Variants in LRP5 observed in about 807,000 individuals in gnomAD.
LRP5 encodes the protein low-density lipoprotein receptor-related protein 5.
A neutral mutation model predicts 154.1 loss-of-function variants in LRP5; 62 were observed. The ratio of observed to expected loss-of-function variants is 0.40; its 90% CI spans 0.33 to 0.50. LRP5 has a LOEUF of 0.50. Ranked by LOEUF, LRP5 falls within the 20% of genes least tolerant of loss-of-function variation. The pLI is 0.55. For synonymous variants in LRP5, 966 were observed against 1,011.5 expected, an observed-to-expected ratio of 0.96 and a Z score of 0.85; for missense variants, 1,915 against 2,336.7, an observed-to-expected ratio of 0.82 and a Z score of 3.72.
intron 15 of LRP5, 139 bp downstream of exon 15, chr11:68,425,431 A>G: frequency 1.1e-6 from 1 of 878,676 alleles, no homozygotes; most frequent in East Asian, 2.7e-5. Context: ...TTTTGTCCTC[A>G]CACTGACAGC....
At chr11:68,411,376 C>T in intron 10 of LRP5, 60 bp from the exon 11 acceptor site, 1 of 1,575,314 alleles carries the variant, frequency 6.3e-7, no homozygotes, top group South Asian at 1.1e-5. Context: ...CCCCCGCCAC[C>T]CACTGTCCTG....
At chr11:68,405,181 T>C (rs993664996) in intron 8 of LRP5, among the ~76,000 whole-genome samples, 3 of 150,724 alleles carry the variant, frequency 2.0e-5, no homozygotes, top group African/African-American at 7.3e-5. Flanking sequence ...AAAAAGAACA[T>C]TTATGCCAGG....
intron 1 of LRP5, among the ~76,000 whole-genome samples, chr11:68,327,492 C>G (rs935710105): frequency 7.9e-5 from 12 of 152,176 alleles, no homozygotes; most frequent in East Asian, 5.8e-4. Flanking sequence ...AGTTGCCCCC[C>G]CTTAGGCAGC....
intron 2 of LRP5, among the ~76,000 whole-genome samples, chr11:68,349,389 A>G (rs187187071): frequency 1.0e-3 from 156 of 152,280 alleles, no homozygotes; most frequent in Non-Finnish European, 1.8e-4. Context: ...GTGGTTGGCC[A>G]TGGGTTTGAA....
chr11:68,390,146 TG>T, intron 7 of LRP5, 94 bp downstream of exon 7: 2 of 1,454,966 alleles, frequency 1.4e-6, no homozygotes, highest in Non-Finnish European at 1.9e-6. Context: ...GATGGGTGCC[TG>T]TGCTCTGCTA....
chr11:68,376,815 C>T (rs11602256), intron 5 of LRP5, among the ~76,000 whole-genome samples: 51,717 of 152,104 alleles, frequency 0.34, 9,378 homozygotes, highest in Admixed American at 0.42. Context: ...GGAGTGTGGC[C>T]TTCTTTTTCA....
intron 7 of LRP5, among the ~76,000 whole-genome samples, chr11:68,394,730 C>T (rs1296805176): frequency 6.6e-6 from 1 of 152,182 alleles, no homozygotes; most frequent in Non-Finnish European, 1.5e-5. Flanking sequence ...TCCCAAAGTG[C>T]TGGGATTACA....
At chr11:68,327,076 G>A (rs1297745747) in intron 1 of LRP5, among the ~76,000 whole-genome samples, 6 of 152,160 alleles carry the variant, frequency 3.9e-5, no homozygotes, top group South Asian at 2.1e-4. Flanking sequence ...AAGCTGTGCC[G>A]CCCGTCCCTG....
At chr11:68,435,299 A>G (rs959199744) in intron 18 of LRP5, among the ~76,000 whole-genome samples, 3 of 152,162 alleles carry the variant, frequency 2.0e-5, no homozygotes, top group African/African-American at 7.2e-5. Flanking sequence ...TTGCATTGCT[A>G]TGAAGGAGCA....
intron 7 of LRP5, among the ~76,000 whole-genome samples, chr11:68,392,101 G>A (rs1298539186): frequency 6.6e-6 from 1 of 152,136 alleles, no homozygotes; most frequent in Non-Finnish European, 1.5e-5. Context: ...CACCTGCCTC[G>A]GCCTCCCAAA....
At chr11:68,411,771 C>A in intron 11 of LRP5, 151 bp downstream of exon 11, 1 of 822,762 alleles carries the variant, frequency 1.2e-6, no homozygotes, top group Non-Finnish European at 1.9e-6. Context: ...GCAGCCTCAC[C>A]CTCTGCTGTG....
At chr11:68,398,090 TG>T (rs1364106251) in intron 7 of LRP5, among the ~76,000 whole-genome samples, 3 of 152,148 alleles carry the variant, frequency 2.0e-5, no homozygotes, top group Non-Finnish European at 4.4e-5. Context: ...TTGGGTTTTG[TG>T]TTCAACAGAG....
Position 68,425,983 on chromosome 11 carries a change from A to T in LRP5, c.3433A>T (p.Asn1145Tyr), listed in dbSNP as rs1173813917. The T allele has an allele frequency of 3.1e-6, 5 of 1,610,928 alleles. No individual in the cohort carries two copies. Residue 1145 changes from asparagine (N) to tyrosine (Y), a missense_variant, in exon 16 of 23, where the codon AAC becomes TAC. By Grantham distance (143) the Asn-to-Tyr change is moderately radical (BLOSUM62 -2). Coordinates refer to ENST00000294304, the MANE Select transcript of LRP5 (RefSeq NM_002335.4). ...RIESCDLSGA[N>Y]RLTLEDANIV... The stretch of plus-strand genomic sequence containing the variant: ...GGCCCACGGGCTGCTTGCAGGGGCC[A>T]ACCGCCTGACCCTGGAGGACGCCAA...
intron 15 of LRP5, 69 bp downstream of exon 15, chr11:68,425,361 C>CATT: frequency 6.7e-7 from 1 of 1,500,192 alleles, no homozygotes; most frequent in Non-Finnish European, 9.0e-7. Context: ...CAGCAGCTGC[C>CATT]ACATTGTCCG....
rs765656433 is a variant in LRP5 at position 68,438,482 on chromosome 11, A to C, written c.4148A>C (p.His1383Pro). ...TKPPSDDSPA[H>P]SSAIGPVIGI... ...CCGCCCTCAGACGACAGCCCGGCCCACAGCAGTGCCATCGGGCCCGTCATT... is the reference window on the plus strand; with the variant it reads ...CCGCCCTCAGACGACAGCCCGGCCCCCAGCAGTGCCATCGGGCCCGTCATT... The change falls in exon 20 of 23, where the codon CAC (histidine) becomes CCC (proline). Residue 1383 changes from histidine to proline, a missense_variant. Physicochemically the swap from His to Pro is moderately conservative, Grantham distance 77. Coordinates refer to ENST00000294304, the MANE Select transcript of LRP5 (RefSeq NM_002335.4). The C allele has an allele frequency of 3.0e-5, 48 of 1,614,204 alleles. No homozygotes were observed. The East Asian group carries it at 1.1e-3, about 36-fold the overall frequency.
intron 3 of LRP5, among the ~76,000 whole-genome samples, chr11:68,361,105 A>T (rs2098627680): frequency 6.7e-6 from 1 of 149,396 alleles, no homozygotes; most frequent in African/African-American, 2.5e-5. Context: ...GGAGATTGAG[A>T]TCATCCTGGC....
chr11:68,309,357 C>T (rs1227555047), upstream of LRP5, among the ~76,000 whole-genome samples: 9 of 152,194 alleles, frequency 5.9e-5, no homozygotes, highest in East Asian at 1.9e-4. Flanking sequence ...CTCAGCCTCC[C>T]GAGTAGCTGG....
intron 1 of LRP5, among the ~76,000 whole-genome samples, chr11:68,313,674 T>G (rs2098590632): frequency 6.6e-6 from 1 of 152,282 alleles, no homozygotes; most frequent in South Asian, 2.1e-4. Context: ...TCTTGCTACC[T>G]AAATCATTCT....
In LRP5 at chr11:68,386,430, C is replaced by T. The variant is rs780673652; in HGVS notation, c.1130C>T (p.Ala377Val). ...GTGGACGACATCCGGCACGCCATTGCCATCGACTACGACCCGCTAGAGGGC... is the reference window on the plus strand; with the variant it reads ...GTGGACGACATCCGGCACGCCATTGTCATCGACTACGACCCGCTAGAGGGC... ...LQVDDIRHAI[A>V]IDYDPLEGYV... Residue 377 changes from alanine to valine, a missense_variant, in exon 6 of 23, where the codon GCC becomes GTC. Physicochemically the swap from Ala to Val is moderately conservative, Grantham distance 64. This residue lies in a region of LRP5 where 773 missense variants were observed against 1,100.9 expected (regional missense o/e 0.70). Transcript: ENST00000294304. The surrounding 1 kb of genome is among the most constrained non-coding windows in gnomAD (Gnocchi z 7.9). 2 of 1,614,110 alleles carry T rather than the reference C, an allele frequency of 1.2e-6. No homozygotes were observed. The highest frequency in any genetic ancestry group is 1.7e-5 in the Admixed American group (1 of 60,030).
Sources: allele counts gnomAD v4.1 joint callset (sites outside exome capture counted in the v4.1 genomes callset), GRCh38; gene constraint gnomAD v4.1.1; regional missense constraint gnomAD v4.1.1; non-coding constraint Gnocchi (gnomAD v3.1); transcripts MANE v1.5; gene names NCBI Gene and HGNC (gene_info 2026-07-23, HGNC 2026-07-21).